Variants in SP1 observed in about 807,000 individuals in gnomAD.
SP1 encodes the protein transcription factor Sp1.
SP1 carries 6 observed loss-of-function variants against 66.3 expected under a neutral mutation model. That is an observed-to-expected ratio of 0.09 (90% CI 0.05 to 0.18). SP1 has a LOEUF of 0.18. SP1 is among the 10% of genes least tolerant of loss of function. The pLI is 1.00. For synonymous variants in SP1, 417 were observed against 360.8 expected (o/e 1.16, Z -1.77); for missense variants, 848 against 964.5 (o/e 0.88, Z 1.60).
chr12:53,391,581 C>T (rs183902575), intron 3 of SP1, among the ~76,000 whole-genome samples: 6 of 152,122 alleles, frequency 3.9e-5, no homozygotes, highest in African/African-American at 1.4e-4. Context: ...CCTCGGCCTC[C>T]CAAAGTGCTG....
At chr12:53,383,914 C>G (rs1938166275) in intron 3 of SP1, among the ~76,000 whole-genome samples, 1 of 151,942 alleles carries the variant, frequency 6.6e-6, no homozygotes, top group South Asian at 2.1e-4. Flanking sequence ...CTGTAAAGGG[C>G]CAGATAGTAA....
At chr12:53,398,102 C>T (rs780374216) in intron 3 of SP1, among the ~76,000 whole-genome samples, 14 of 152,098 alleles carry the variant, frequency 9.2e-5, no homozygotes, top group Non-Finnish European at 1.8e-4. Flanking sequence ...TTCTTGACTT[C>T]TGCTTATAGA....
chr12:53,386,395 A>G (rs1015760371), intron 3 of SP1, among the ~76,000 whole-genome samples: 2 of 152,036 alleles, frequency 1.3e-5, no homozygotes, highest in Admixed American at 6.6e-5. Context: ...CATAATGTTC[A>G]GGGTCTTTCA....
Position 53,382,151 on chromosome 12 carries a change from C to T in SP1, c.204C>T (p.Cys68=). ...CTTTGGCTCTGCTGGCAGCAACTTG[C>T]AGCAGAATTGAGTCACCCAATGAGA... ...PSPLALLAAT[C]SRIESPNENS... Residue 68 remains cysteine (C), a synonymous_variant, in exon 3 of 6, where the codon TGC becomes TGT. Coordinates refer to ENST00000327443, the MANE Select transcript of SP1 (RefSeq NM_138473.3). The T allele has an allele frequency of 1.2e-6, 2 of 1,614,172 alleles. No individual in the cohort carries two copies. The highest frequency in any genetic ancestry group is 8.5e-7 in the Non-Finnish European group (1 of 1,180,018).
rs1221317252 is a variant in SP1, at chr12:53,415,411, A to G, written c.*4171A>G. Reference sequence around the variant, plus strand: ...ACTTGCCTTAGATCCAAGGCAGGGAAAGGAAAAGAAGGGGGGTCTCTGGCT... The same window carrying G: ...ACTTGCCTTAGATCCAAGGCAGGGAGAGGAAAAGAAGGGGGGTCTCTGGCT... On this transcript the variant is annotated 3_prime_UTR_variant, in exon 6 of 6. Coordinates refer to ENST00000327443, the MANE Select transcript of SP1 (RefSeq NM_138473.3). 6.6e-6 allele frequency: 1 copy of G among 152,422 alleles called. No individual in the cohort carries two copies. The highest frequency in any genetic ancestry group is 1.9e-4 in the East Asian group (1 of 5,190). 9.4% of individuals were successfully genotyped at this position (152,422 alleles called of 1,614,324 possible).
chr12:53,392,579 G>A (rs1484986967), intron 3 of SP1, among the ~76,000 whole-genome samples: 9 of 151,300 alleles, frequency 5.9e-5, no homozygotes, highest in Admixed American at 1.3e-4. Flanking sequence ...GGATGGTCTC[G>A]ATCTCCTGAC....
intron 3 of SP1, among the ~76,000 whole-genome samples, chr12:53,405,805 T>G (rs911317297): frequency 3.9e-5 from 6 of 152,118 alleles, no homozygotes; most frequent in Admixed American, 6.6e-5. Context: ...TTTGGTAATC[T>G]GATAGGTGAA....
chr12:53,411,028 G>A lies in SP1; in HGVS notation c.2146G>A (p.Gly716Ser), dbSNP rs1312243421. ...KTHQNKKGGPGVALSVGTLPL... is the reference protein window; with the variant it reads ...KTHQNKKGGPSVALSVGTLPL... ...CCACCAGAATAAGAAGGGAGGCCCA[G>A]GTGTAGCTCTGAGTGTGGGCACTTT... Residue 716 changes from glycine to serine, a missense_variant, in exon 6 of 6, where the codon GGT becomes AGT. Gly to Ser is a moderately conservative substitution (Grantham distance 56, BLOSUM62 0). This residue lies in a region of SP1 where 73 missense variants were observed against 91.9 expected (regional missense o/e 0.79). Transcript: ENST00000327443. 2.5e-6 allele frequency: 4 copies of A among 1,614,214 alleles called. No individual in the cohort carries two copies. Among genetic ancestry groups the A allele is most frequent in the Non-Finnish European group, 3.4e-6 (4 of 1,180,014 alleles).
chr12:53,408,772 G>A (rs1938811882), intron 4 of SP1, among the ~76,000 whole-genome samples: 2 of 152,000 alleles, frequency 1.3e-5, no homozygotes, highest in Admixed American at 6.5e-5. Flanking sequence ...CGGGTGTGGT[G>A]GCGGGCACCC....
At chr12:53,399,103 T>G (rs568567466) in intron 3 of SP1, among the ~76,000 whole-genome samples, 1 of 152,328 alleles carries the variant, frequency 6.6e-6, no homozygotes, top group African/African-American at 2.4e-5. Context: ...TAAAATGATT[T>G]TATGGTAATT....
At chr12:53,380,431 C>CG in intron 1 of SP1, 133 bp downstream of exon 1, 1 of 668,590 alleles carries the variant, frequency 1.5e-6, no homozygotes, top group Non-Finnish European at 2.1e-6. Flanking sequence ...AGGTCCCGCC[C>CG]GGGGCGGAGG....
At position 53,397,076 on chromosome 12, in the gene SP1, G is replaced by A. The variant is rs569715237; in HGVS notation, c.1676-9509G>A. On this transcript the variant is annotated intron_variant, in intron 3 of 5. Coordinates refer to ENST00000327443, the MANE Select transcript of SP1 (RefSeq NM_138473.3). Reference sequence around the variant, plus strand: ...GTTGCCCAAGCTAGAGTGCAGTGGTGCAATCTTGGCTCACTGCAACCTCCA... The same window carrying A: ...GTTGCCCAAGCTAGAGTGCAGTGGTACAATCTTGGCTCACTGCAACCTCCA... Among the ~76,000 whole-genome samples, 6 of 152,046 alleles carry A rather than the reference G, an allele frequency of 3.9e-5. No individual in the cohort carries two copies. In the South Asian group the frequency reaches 6.2e-4, roughly 16 times the overall value.
Position 53,415,721 on chromosome 12 carries a change from A to T in SP1, c.*4481A>T, listed in dbSNP as rs555867965. 2 of 151,894 alleles carry T rather than the reference A, an allele frequency of 1.3e-5. No individual in the cohort carries two copies. Among genetic ancestry groups the T allele is most frequent in the South Asian group, 4.2e-4 (2 of 4,782 alleles). 9.4% of individuals were successfully genotyped at this position (151,894 alleles called of 1,614,324 possible). ...GGATTTTGTTGATACCTCTGCTGGG[A>T]TGTGTGCTTTCCCATATCTTGCCTT... On this transcript the variant is annotated 3_prime_UTR_variant, in exon 6 of 6. Coordinates refer to ENST00000327443, the MANE Select transcript of SP1 (RefSeq NM_138473.3).
chr12:53,389,537 G>A lies in SP1; in HGVS notation c.1675+5915G>A, dbSNP rs145580243. Among the ~76,000 whole-genome samples the A allele has an allele frequency of 1.6e-3, 249 of 152,030 alleles. 1 individual carries two copies. The highest frequency in any genetic ancestry group is 5.9e-3 in the African/African-American group (243 of 41,482). On this transcript the variant is annotated intron_variant, in intron 3 of 5. Transcript: ENST00000327443. The stretch of plus-strand genomic sequence containing the variant: ...AATTTTTGCATTTTTAGTAGAGACT[G>A]GGTTTCACCATGTTGGCCAGGATGG...
chr12:53,385,059 C>T (rs1194891144), intron 3 of SP1, among the ~76,000 whole-genome samples: 5 of 151,148 alleles, frequency 3.3e-5, no homozygotes, highest in African/African-American at 1.2e-4. Context: ...CTTTGGGAGG[C>T]TGAGGTGGGT....
rs1429607558 is a variant in SP1, at chr12:53,380,255, G to T, written c.-37G>T. The T allele has an allele frequency of 1.2e-6, 1 of 809,584 alleles. No individual in the cohort carries two copies. Among genetic ancestry groups the T allele is most frequent in the African/African-American group, 1.8e-5 (1 of 56,044 alleles). 50.2% of individuals were successfully genotyped at this position (809,584 alleles called of 1,614,324 possible). A position where few individuals can be genotyped will look rare whatever the true frequency, so the allele number is the denominator to read the frequency against. Reference sequence around the variant, plus strand: ...TTCCCGGCCCCCCCCAACCCCCCCGGACAGGACCCCCTTGAGCTTGTCCCT... The same window carrying T: ...TTCCCGGCCCCCCCCAACCCCCCCGTACAGGACCCCCTTGAGCTTGTCCCT... On this transcript the variant is annotated 5_prime_UTR_variant, in exon 1 of 6. Transcript: ENST00000327443.
intron 5 of SP1, among the ~76,000 whole-genome samples, chr12:53,409,996 C>T (rs1292370560): frequency 1.3e-5 from 2 of 148,396 alleles, no homozygotes; most frequent in African/African-American, 2.5e-5. Flanking sequence ...GGCGACAGAG[C>T]GAGACACTGT....
At chr12:53,410,393 C>T (rs916088466) in intron 5 of SP1, among the ~76,000 whole-genome samples, 1 of 152,150 alleles carries the variant, frequency 6.6e-6, no homozygotes, top group African/African-American at 2.4e-5. Context: ...TTAGTCTCTG[C>T]CCTGCCTTAC....
rs368509838 is a variant in SP1 at position 53,383,629 on chromosome 12, T to C, written c.1675+7T>C. Reference sequence around the variant, plus strand: ...GCTATAGCAAATGCCCCAGGTAAGATTTCCAATCTTGTGCATTTATTGGGA... The same window carrying C: ...GCTATAGCAAATGCCCCAGGTAAGACTTCCAATCTTGTGCATTTATTGGGA... On this transcript the variant is annotated splice_region_variant and intron_variant, in intron 3 of 5. Transcript: ENST00000327443. 1 of 1,590,074 alleles carries C rather than the reference T, an allele frequency of 6.3e-7. No individual in the cohort carries two copies. Among genetic ancestry groups the C allele is most frequent in the African/African-American group, 1.3e-5 (1 of 74,572 alleles).
Sources: allele counts gnomAD v4.1 joint callset (sites outside exome capture counted in the v4.1 genomes callset), GRCh38; gene constraint gnomAD v4.1.1; regional missense constraint gnomAD v4.1.1; transcripts MANE v1.5; gene names NCBI Gene and HGNC (gene_info 2026-07-23, HGNC 2026-07-21).